The following ASTN2 variants were observed in gnomAD, a reference collection of about 807,000 sequenced individuals.
ASTN2 encodes astrotactin-2.
In ASTN2, 54 loss-of-function variants were observed where a neutral mutation model predicts 139.8. The observed-to-expected ratio is 0.39, with a 90% CI of 0.31 to 0.48. The LOEUF is 0.48. Among genes scored for constraint, ASTN2 ranks in the 20% least tolerant of loss-of-function variants. The pLI is 0.95. For synonymous variants in ASTN2, 756 were observed against 719.5 expected, an observed-to-expected ratio of 1.05 and a Z score of -0.81; for missense variants, 1,565 against 1,725.1, an observed-to-expected ratio of 0.91 and a Z score of 1.64.
At chr9:116,769,893 T>C (rs1046003728) in intron 13 of ASTN2, among the ~76,000 whole-genome samples, 1 of 115,824 alleles carries the variant, frequency 8.6e-6, no homozygotes, top group Non-Finnish European at 1.9e-5. Flanking sequence ...AAATTAAATA[T>C]ATATATATGG....
intron 13 of ASTN2, among the ~76,000 whole-genome samples, chr9:116,775,986 G>C (rs569981877): frequency 8.5e-5 from 13 of 152,136 alleles, no homozygotes; most frequent in Non-Finnish European, 1.9e-4. Flanking sequence ...GCATCTCTAC[G>C]TATGATTGTG....
intron 17 of ASTN2, among the ~76,000 whole-genome samples, chr9:116,623,144 A>G (rs1370487958): frequency 1.8e-5 from 2 of 111,424 alleles, no homozygotes; most frequent in African/African-American, 6.6e-5. Context: ...GAGAGAGCAT[A>G]CTCTGTGTGT....
chr9:117,309,923 C>T (rs1469265072), intron 1 of ASTN2, among the ~76,000 whole-genome samples: 1 of 152,144 alleles, frequency 6.6e-6, no homozygotes, highest in Non-Finnish European at 1.5e-5. Context: ...CTTGAAATTA[C>T]AAGCAAAGGC....
intron 10 of ASTN2, among the ~76,000 whole-genome samples, chr9:116,906,524 C>T (rs886178469): frequency 1.3e-5 from 2 of 152,126 alleles, no homozygotes; most frequent in African/African-American, 4.8e-5. Context: ...CTTCCCAACG[C>T]CCATGGAATG....
chr9:116,724,427 G>A (rs1828560268), intron 16 of ASTN2, among the ~76,000 whole-genome samples: 1 of 152,148 alleles, frequency 6.6e-6, no homozygotes, highest in African/African-American at 2.4e-5. Context: ...GGGATGCAAA[G>A]CCCCCAGGGA....
rs529508383 is a variant in ASTN2, at chr9:116,802,290, G to A, written c.2396+3342C>T. On this transcript the variant is annotated intron_variant, in intron 13 of 22. Coordinates refer to ENST00000313400, the MANE Select transcript of ASTN2 (RefSeq NM_001365068.1). ...TTTAGTAGAGACAGCATTTCATCAT[G>A]TTAGCCAGGATGGTCTCAATCTCCT... is the stretch of plus-strand genomic sequence containing the variant. 2.6e-5 allele frequency among the ~76,000 whole-genome samples: 4 copies of A among 152,162 alleles called. No homozygotes were observed. In the South Asian group the frequency reaches 8.3e-4, roughly 32 times the overall value.
At chr9:117,151,333 G>A (rs770989524) in intron 3 of ASTN2, among the ~76,000 whole-genome samples, 3 of 152,094 alleles carry the variant, frequency 2.0e-5, no homozygotes, top group Non-Finnish European at 4.4e-5. Context: ...TGACTTCAGA[G>A]GAAGGCCACA....
rs367963106 is a variant in ASTN2 at position 117,175,543 on chromosome 9, A to C, written c.1016-34065T>G. ...CCCTTTCTGATACCAAGATATTACA[A>C]AACCATAATAACTAAAAGTAGCATG... On this transcript the variant is annotated intron_variant, in intron 3 of 22. Coordinates refer to ENST00000313400, the MANE Select transcript of ASTN2 (RefSeq NM_001365068.1). Among the ~76,000 whole-genome samples, 4 of 152,296 alleles carry C rather than the reference A, an allele frequency of 2.6e-5. No homozygotes were observed. The East Asian group carries it at 7.7e-4, about 29-fold the overall frequency.
At chr9:116,958,285 CACTT>C (rs750512791) in intron 10 of ASTN2, among the ~76,000 whole-genome samples, 4 of 152,064 alleles carry the variant, frequency 2.6e-5, no homozygotes, top group Admixed American at 1.3e-4. Context: ...GAGAGCCACT[CACTT>C]AAACTAAAGA....
chr9:116,595,320 T>C (rs1854519141), intron 19 of ASTN2, among the ~76,000 whole-genome samples: 1 of 102,526 alleles, frequency 9.8e-6, no homozygotes, highest in Non-Finnish European at 2.0e-5. Context: ...TCTTGCTTCA[T>C]TCTTGTTGTT....
chr9:116,986,797 T>C (rs1385015653), intron 7 of ASTN2, among the ~76,000 whole-genome samples: 1 of 152,202 alleles, frequency 6.6e-6, no homozygotes, highest in African/African-American at 2.4e-5. Flanking sequence ...GCTTCAGAGA[T>C]GGTTCTGCTG....
rs1830085920 is a variant in ASTN2 at position 116,776,218 on chromosome 9, G to A, written c.2396+29414C>T. 2.0e-5 allele frequency among the ~76,000 whole-genome samples: 3 copies of A among 152,278 alleles called. No homozygotes were observed. In the South Asian group the frequency reaches 6.2e-4, roughly 32 times the overall value. ...ATTCTATGTGATCTTTTATGTGTCT[G>A]CTTTCTAGATATATTCCCTCTTTTG... On this transcript the variant is annotated intron_variant, in intron 13 of 22. Coordinates refer to ENST00000313400, the MANE Select transcript of ASTN2 (RefSeq NM_001365068.1).
chr9:117,263,077 A>G (rs1167614908), intron 2 of ASTN2, among the ~76,000 whole-genome samples: 2 of 152,238 alleles, frequency 1.3e-5, no homozygotes, highest in East Asian at 3.8e-4. Flanking sequence ...GTGTTGTTTC[A>G]AGCCTCTAAA....
intron 20 of ASTN2, among the ~76,000 whole-genome samples, chr9:116,446,134 G>C (rs191552009): frequency 2.7e-4 from 41 of 151,830 alleles, no homozygotes; most frequent in African/African-American, 5.1e-4. Flanking sequence ...TGAGAAGTTG[G>C]GGGGGGACAG....
At chr9:116,981,571 G>T (rs1836514323) in intron 7 of ASTN2, among the ~76,000 whole-genome samples, 1 of 152,176 alleles carries the variant, frequency 6.6e-6, no homozygotes, top group Non-Finnish European at 1.5e-5. Context: ...CCAAATCACT[G>T]GCCTAGCCTC....
rs769995748 is a variant in ASTN2, at chr9:117,096,101, C to A, written c.1219G>T (p.Asp407Tyr). ...GTGTAGAATGTCAGCTGAGTTTCAT[C>A]GTCTGCCTCTGAGCCCGACGTCCCC... ...AKGTSGSEAD[D>Y]ETQLTFYTEQ... The change falls in exon 5 of 23, where the codon GAT (aspartate) becomes TAT (tyrosine). Residue 407 changes from aspartate to tyrosine, a missense_variant. Physicochemically the swap from Asp to Tyr is radical, Grantham distance 160. Transcript: ENST00000313400. 1 of 1,613,972 alleles carries A rather than the reference C, an allele frequency of 6.2e-7. No individual in the cohort carries two copies. The highest frequency in any genetic ancestry group is 8.5e-7 in the Non-Finnish European group (1 of 1,179,990).
chr9:117,262,414 TTTA>T (rs1375629093), intron 2 of ASTN2, among the ~76,000 whole-genome samples: 115 of 69,078 alleles, frequency 1.7e-3, no homozygotes, highest in African/African-American at 3.7e-3. Context: ...TATTTATTTA[TTTA>T]TTTTTTATCT....
intron 7 of ASTN2, among the ~76,000 whole-genome samples, chr9:116,986,957 G>A (rs1317832288): frequency 6.6e-6 from 1 of 152,210 alleles, no homozygotes; most frequent in Non-Finnish European, 1.5e-5. Flanking sequence ...ACAGCCAGAA[G>A]GCTTAATGTG....
intron 10 of ASTN2, among the ~76,000 whole-genome samples, chr9:116,938,841 T>A (rs1835150381): frequency 6.6e-6 from 1 of 152,202 alleles, no homozygotes. Flanking sequence ...AAGGGAATAT[T>A]CCCAGGAAGG....
Sources: allele counts gnomAD v4.1 joint callset (sites outside exome capture counted in the v4.1 genomes callset), GRCh38; gene constraint gnomAD v4.1.1; transcripts MANE v1.5; gene names NCBI Gene and HGNC (gene_info 2026-07-23, HGNC 2026-07-21).